The following SLC4A5 variants were observed in gnomAD, a reference collection of about 807,000 sequenced individuals.
SLC4A5 encodes the protein solute carrier family 4 member 5.
Under a neutral mutation model 120.4 loss-of-function variants are expected in SLC4A5, and 96 were observed. The ratio of observed to expected loss-of-function variants is 0.80; its 90% CI spans 0.68 to 0.94. The LOEUF (loss-of-function observed/expected upper bound fraction) is 0.94. Among genes scored for constraint, SLC4A5 ranks in the 40% least tolerant of loss-of-function variants. The pLI is 0.00. For missense variants in SLC4A5, 1,259 were observed against 1,459.5 expected (o/e 0.86, Z 2.24); for synonymous variants, 550 against 571.1 (o/e 0.96, Z 0.53).
intron 6 of SLC4A5, among the ~76,000 whole-genome samples, chr2:74,306,014 G>A (rs768357413): frequency 1.3e-5 from 2 of 152,082 alleles, no homozygotes; most frequent in Non-Finnish European, 2.9e-5. Context: ...GTGAGCCACC[G>A]TGCCTGGCTC....
intron 7 of SLC4A5, among the ~76,000 whole-genome samples, chr2:74,287,574 C>T (rs542399182): frequency 6.6e-6 from 1 of 152,318 alleles, no homozygotes; most frequent in South Asian, 2.1e-4. Context: ...AGGGTTTCCC[C>T]TCAGCAAGTC....
intron 21 of SLC4A5, among the ~76,000 whole-genome samples, chr2:74,236,799 A>G (rs1670283695): frequency 6.6e-6 from 1 of 152,102 alleles, no homozygotes; most frequent in Non-Finnish European, 1.5e-5. Flanking sequence ...GGTCCAACCT[A>G]ATCAGAGAGT....
Position 74,221,420 on chromosome 2 carries a change from C to T in SLC4A5, c.*33+14G>A, listed in dbSNP as rs1694639160. The T allele has an allele frequency of 6.3e-7, 1 of 1,593,824 alleles. No individual in the cohort carries two copies. Among genetic ancestry groups the T allele is most frequent in the African/African-American group, 1.3e-5 (1 of 74,696 alleles). ...CTTACCTAATACGCAAGGAGTCTACCTAACAGTGTTTACCTTCGGTCAAGT... is the reference window on the plus strand; with the variant it reads ...CTTACCTAATACGCAAGGAGTCTACTTAACAGTGTTTACCTTCGGTCAAGT... On this transcript the variant is annotated intron_variant, in intron 30 of 30. Coordinates refer to ENST00000394019, the Ensembl canonical transcript of SLC4A5.
intron 30 of SLC4A5, among the ~76,000 whole-genome samples, chr2:74,219,036 T>C (rs1252828920): frequency 6.6e-6 from 1 of 152,174 alleles, no homozygotes; most frequent in Non-Finnish European, 1.5e-5. Context: ...GATTCCTCAT[T>C]GGGTTCAAAG....
chr2:74,255,970 C>G lies in SLC4A5; in HGVS notation c.868-38G>C. 6.2e-7 allele frequency: 1 copy of G among 1,604,478 alleles called. No homozygotes were observed. Among genetic ancestry groups the G allele is most frequent in the East Asian group, 2.2e-5 (1 of 44,616 alleles). On this transcript the variant is annotated intron_variant, in intron 12 of 30. Transcript: ENST00000394019. This position sits in a 1 kb window ranked among gnomAD's most constrained non-coding sequence, Gnocchi z 4.0. ...GGGAAACGAGATAGCCAAGGAGACTCCCACCTGCTCTCACTCCCTCACTCC... is the reference window on the plus strand; with the variant it reads ...GGGAAACGAGATAGCCAAGGAGACTGCCACCTGCTCTCACTCCCTCACTCC...
exon 9 of SLC4A5, chr2:74,265,238 T>C (rs1299776925): frequency 6.8e-6 from 11 of 1,614,072 alleles, no homozygotes; most frequent in Non-Finnish European, 9.3e-6. Context: ...GCCGCCTTCC[T>C]CTACCTTTTC....
intron 19 of SLC4A5, among the ~76,000 whole-genome samples, chr2:74,242,478 G>C (rs1448748303): frequency 6.6e-6 from 1 of 152,148 alleles, no homozygotes; most frequent in Non-Finnish European, 1.5e-5. Flanking sequence ...TTAATTCCCA[G>C]ATCTTCACCA....
intron 25 of SLC4A5, among the ~76,000 whole-genome samples, chr2:74,229,104 C>CTTTTT (rs55689286): frequency 1.0e-5 from 1 of 98,590 alleles, no homozygotes; most frequent in African/African-American, 4.5e-5. Flanking sequence ...TAGATTTGAG[C>CTTTTT]TTTTTTTTTT....
exon 15 of SLC4A5, chr2:74,253,081 G>A (rs377610601): frequency 1.1e-5 from 17 of 1,614,002 alleles, no homozygotes; most frequent in Middle Eastern, 1.6e-4. Context: ...CAATTCCTGC[G>A]ATCAGATCTT....
chr2:74,224,846 A>G lies in SLC4A5; in HGVS notation c.3240T>C (p.Asp1080=), dbSNP rs140560393. The change falls in exon 28 of 31, where the codon GAT becomes GAC. Residue 1080 remains aspartate, a synonymous_variant. Coordinates refer to ENST00000394019, the Ensembl canonical transcript of SLC4A5. ...GGCCTCACATCTTCCCCACCTCCTC[A>G]TCACAGTCCTCGTGGGCCCCTTTTT... The G allele has an allele frequency of 1.6e-4, 259 of 1,609,738 alleles. 3 individuals are homozygous for G. In the African/African-American group the frequency reaches 3.1e-3, roughly 19 times the overall value.
At chr2:74,328,073 T>C in intron 5 of SLC4A5, 47 bp downstream of exon 5, 1 of 951,520 alleles carries the variant, frequency 1.1e-6, no homozygotes, top group Non-Finnish European at 1.3e-6. Flanking sequence ...TTCCCTTATC[T>C]GCATAGCTCT....
At chr2:74,231,459 C>G in intron 24 of SLC4A5, 151 bp from the exon 25 acceptor site, 1 of 642,156 alleles carries the variant, frequency 1.6e-6, no homozygotes, top group Non-Finnish European at 2.6e-6. Flanking sequence ...GCCTGAGGCC[C>G]AGCTGAACCA....
At chr2:74,309,799 G>T (rs1166723174) in intron 6 of SLC4A5, among the ~76,000 whole-genome samples, 1 of 151,742 alleles carries the variant, frequency 6.6e-6, no homozygotes, top group Admixed American at 6.6e-5. Context: ...GGGACTACAG[G>T]TGCCCACCAC....
intron 4 of SLC4A5, among the ~76,000 whole-genome samples, chr2:74,333,152 C>G (rs1258685536): frequency 2.0e-5 from 3 of 152,176 alleles, no homozygotes; most frequent in Non-Finnish European, 4.4e-5. Flanking sequence ...AAGGTCACTA[C>G]TGGAGGGAGA....
exon 5 of SLC4A5, chr2:74,328,165 G>T: frequency 1.0e-6 from 1 of 985,884 alleles, no homozygotes; most frequent in Non-Finnish European, 1.2e-6. Flanking sequence ...TCCCAGGGAG[G>T]CCAGAACCAC....
intron 17 of SLC4A5, 100 bp downstream of exon 17, chr2:74,250,243 A>T: frequency 1.7e-6 from 2 of 1,193,626 alleles, no homozygotes; most frequent in Non-Finnish European, 2.4e-6. Context: ...CCTGGATGGT[A>T]GATGAAACCT....
intron 7 of SLC4A5, among the ~76,000 whole-genome samples, chr2:74,292,639 C>A (rs1672210093): frequency 6.6e-6 from 1 of 152,070 alleles, no homozygotes; most frequent in South Asian, 2.1e-4. Flanking sequence ...TCAGGAGGCA[C>A]ACTAAAGCCA....
chr2:74,320,592 CAT>C (rs1673071516), intron 5 of SLC4A5, among the ~76,000 whole-genome samples: 1 of 152,126 alleles, frequency 6.6e-6, no homozygotes, highest in African/African-American at 2.4e-5. Context: ...CATTTTCAGA[CAT>C]AAACTATCTC....
chr2:74,295,682 G>GT, intron 7 of SLC4A5, among the ~76,000 whole-genome samples: 1 of 152,036 alleles, frequency 6.6e-6, no homozygotes, highest in Admixed American at 6.6e-5. Flanking sequence ...AAAAAATTGA[G>GT]TATCTCTACA....
Sources: gnomAD v4.1 joint callset for allele counts (sites outside exome capture counted in the v4.1 genomes callset) on GRCh38, gnomAD v4.1.1 for gene constraint, Gnocchi (gnomAD v3.1) non-coding constraint, MANE v1.5 for transcripts, NCBI Gene and HGNC (gene_info 2026-07-23, HGNC 2026-07-21) for gene names.